RAB40C: variants seen among roughly 807,000 people sequenced by gnomAD.
The protein encoded by RAB40C is ras-related protein Rab-40C.
A neutral mutation model predicts 28.1 loss-of-function variants in RAB40C; 8 were observed. The ratio of observed to expected loss-of-function variants is 0.28; its 90% CI spans 0.17 to 0.51. RAB40C has a LOEUF of 0.51. Ranked by LOEUF, RAB40C falls within the 20% of genes least tolerant of loss-of-function variation. The probability of loss-of-function intolerance (pLI) is 0.97; values close to 1 mark genes in which losing one functional copy is unlikely to be tolerated. For missense variants in RAB40C, 288 were observed against 405.9 expected (o/e 0.71, Z 2.50); for synonymous variants, 201 against 171.7 (o/e 1.17, Z -1.34).
At chr16:601,777 T>C (rs1248900201) in intron 1 of RAB40C, among the ~76,000 whole-genome samples, 1 of 122,140 alleles carries the variant, frequency 8.2e-6, no homozygotes, top group Non-Finnish European at 1.6e-5. Flanking sequence ...GGGTTCAGAC[T>C]AGGCAACGTA....
intron 3 of RAB40C, among the ~76,000 whole-genome samples, chr16:620,535 G>A (rs1409936198): frequency 6.6e-6 from 1 of 152,204 alleles, no homozygotes; most frequent in East Asian, 1.9e-4. Flanking sequence ...AGTTATGTTG[G>A]ATGACAATAA....
Position 625,514 on chromosome 16 carries a change from G to A in RAB40C, c.342+5G>A. 6.2e-7 allele frequency: 1 copy of A among 1,613,078 alleles called. No homozygotes were observed. Among genetic ancestry groups the A allele is most frequent in the Non-Finnish European group, 8.5e-7 (1 of 1,179,844 alleles). On this transcript the variant is annotated splice_donor_5th_base_variant and intron_variant, in intron 4 of 5. Transcript: ENST00000248139. ...TGGATCAAGGAGATCGATGAGGTAG[G>A]CCTGGGTCCGGGGAGCCCTCCCGGG...
At chr16:607,262 C>T (rs542985926) in intron 1 of RAB40C, among the ~76,000 whole-genome samples, 6 of 152,092 alleles carry the variant, frequency 3.9e-5, no homozygotes, top group East Asian at 3.9e-4. Flanking sequence ...TTTGGGAGGC[C>T]GAGGTGGGTG....
At chr16:617,161 C>G in intron 1 of RAB40C, 47 bp from the exon 2 acceptor site, 1 of 1,601,770 alleles carries the variant, frequency 6.2e-7, no homozygotes. Flanking sequence ...CGCGGGCGCT[C>G]GCTCCAGGAG....
At chr16:598,268 C>T (rs2036174713) in intron 1 of RAB40C, among the ~76,000 whole-genome samples, 1 of 151,722 alleles carries the variant, frequency 6.6e-6, no homozygotes. Context: ...GTCCCAGCTA[C>T]TTGGGAGGCT....
chr16:615,336 A>G (rs896517986), intron 1 of RAB40C, among the ~76,000 whole-genome samples: 1 of 152,242 alleles, frequency 6.6e-6, no homozygotes, highest in Non-Finnish European at 1.5e-5. Flanking sequence ...GCTGGCTTGC[A>G]GGGCTGGGCC....
At chr16:604,786 G>T (rs2036326159) in intron 1 of RAB40C, among the ~76,000 whole-genome samples, 1 of 152,224 alleles carries the variant, frequency 6.6e-6, no homozygotes, top group Non-Finnish European at 1.5e-5. Flanking sequence ...GGGGCTGGGT[G>T]TGGTGGCTCA....
chr16:597,335 G>A (rs142777614), intron 1 of RAB40C, among the ~76,000 whole-genome samples: 15 of 152,148 alleles, frequency 9.9e-5, no homozygotes, highest in Admixed American at 3.9e-4. Flanking sequence ...AGCAGCCTTC[G>A]CCGTCTTTAC....
intron 1 of RAB40C, among the ~76,000 whole-genome samples, chr16:613,549 G>T (rs1484243523): frequency 1.3e-5 from 2 of 152,268 alleles, no homozygotes. Context: ...CTGGATCGTG[G>T]TGCGGTGGTG....
rs1567196130 is a variant in RAB40C at position 627,570 on chromosome 16, C to T, written c.794C>T (p.Pro265Leu). 6.2e-7 allele frequency: 1 copy of T among 1,611,210 alleles called. No individual in the cohort carries two copies. Among genetic ancestry groups the T allele is most frequent in the Non-Finnish European group, 8.5e-7 (1 of 1,178,432 alleles). The change falls in exon 6 of 6, where the codon CCA becomes CTA. Residue 265 changes from proline to leucine, a missense_variant. Around this residue, in one of 3 missense-constraint regions of RAB40C, gnomAD observed 57 missense variants for 55.3 expected, o/e 1.03. Transcript: ENST00000248139. ...NSLKRSKSIR[P>L]PQSPPQNCSR... is the part of the protein sequence containing the mutation. ...CTCAAGAGGTCCAAGTCCATCCGTCCACCCCAGAGCCCCCCCCAGAACTGC... is the reference window on the plus strand; with the variant it reads ...CTCAAGAGGTCCAAGTCCATCCGTCTACCCCAGAGCCCCCCCCAGAACTGC...
intron 1 of RAB40C, among the ~76,000 whole-genome samples, chr16:614,978 A>C (rs1477625320): frequency 6.6e-6 from 1 of 152,256 alleles, no homozygotes; most frequent in Non-Finnish European, 1.5e-5. Flanking sequence ...CAGCTCCTGC[A>C]GTCATGGGCT....
At chr16:613,707 T>C (rs2036529463) in intron 1 of RAB40C, among the ~76,000 whole-genome samples, 1 of 152,134 alleles carries the variant, frequency 6.6e-6, no homozygotes, top group Non-Finnish European at 1.5e-5. Flanking sequence ...CCCCAGAGGA[T>C]AGTTTGTCTT....
intron 1 of RAB40C, among the ~76,000 whole-genome samples, chr16:595,578 TG>T (rs1266162545): frequency 1.3e-5 from 2 of 151,900 alleles, no homozygotes; most frequent in Non-Finnish European, 2.9e-5. Context: ...GTAGGACTTC[TG>T]TGGGTCATTA....
At chr16:620,010 G>C (rs2036679011) in intron 3 of RAB40C, among the ~76,000 whole-genome samples, 1 of 152,240 alleles carries the variant, frequency 6.6e-6, no homozygotes, top group Non-Finnish European at 1.5e-5. Context: ...ATCCCTGTGA[G>C]AACTGGAGCA....
At position 626,892 on chromosome 16, in the gene RAB40C, C is replaced by G. The variant is rs753589868; in HGVS notation, c.566-450C>G. 1.5e-4 allele frequency among the ~76,000 whole-genome samples: 23 copies of G among 152,332 alleles called. 1 individual carries two copies. The highest frequency in any genetic ancestry group is 3.4e-3 in the Middle Eastern group (1 of 294). On this transcript the variant is annotated intron_variant, in intron 5 of 5. Coordinates refer to ENST00000248139, the MANE Select transcript of RAB40C (RefSeq NM_021168.5). ...GGCGGAGGTTGCAGTGAGCGGAGAT[C>G]GTGCCACGGCACTCCAGCCTGGCGA...
chr16:624,541 T>C lies in RAB40C; in HGVS notation c.265-891T>C, dbSNP rs948215106. ...GGGCTACACTTCAGTCTTCCAGATATCGAAAGATGGTTCTAAGAGGCTCTA... is the reference window on the plus strand; with the variant it reads ...GGGCTACACTTCAGTCTTCCAGATACCGAAAGATGGTTCTAAGAGGCTCTA... On this transcript the variant is annotated intron_variant, in intron 3 of 5. Transcript: ENST00000248139. 6.1e-6 allele frequency: 6 copies of C among 985,306 alleles called. No individual in the cohort carries two copies. In the African/African-American group the frequency reaches 8.7e-5, roughly 14 times the overall value. The allele number at this position is 985,306 out of a possible 1,614,324, so 61.0% of individuals were successfully genotyped here.
chr16:616,974 G>A (rs542598543), intron 1 of RAB40C: 23 of 549,390 alleles, frequency 4.2e-5, no homozygotes, highest in South Asian at 2.8e-4. Flanking sequence ...TATGGACCAC[G>A]CTCCTGCCCT....
In RAB40C at chr16:627,425, A is replaced by G. The variant is rs780469810; in HGVS notation, c.649A>G (p.Thr217Ala). 6.2e-7 allele frequency: 1 copy of G among 1,613,858 alleles called. No individual in the cohort carries two copies. Among genetic ancestry groups the G allele is most frequent in the South Asian group, 1.1e-5 (1 of 91,060 alleles). Residue 217 changes from threonine (T) to alanine (A), a missense_variant, in exon 6 of 6, where the codon ACC (threonine) becomes GCC (alanine). By Grantham distance (58) the Thr-to-Ala change is moderately conservative (BLOSUM62 0). Transcript: ENST00000248139. ...HLIDKLPLPV[T>A]IKSHLKSFSM... ...CATCGACAAGCTTCCACTGCCCGTC[A>G]CCATCAAGAGCCACCTCAAGTCCTT...
rs570171016 is a variant in RAB40C at position 608,284 on chromosome 16, A to AG, written c.143-8918dup. ...ACTCACTCACCCGCACAAAAACAGC[A>AG]GGGGGGAACCACCCCCATGATTTAA... On this transcript the variant is annotated intron_variant, in intron 1 of 5. Transcript: ENST00000248139. Among the ~76,000 whole-genome samples, 362 of 152,276 alleles carry AG rather than the reference A, an allele frequency of 2.4e-3. 3 individuals carry two copies. The highest frequency in any genetic ancestry group is 8.2e-3 in the African/African-American group (339 of 41,554).
Sources: gnomAD v4.1 joint callset for allele counts (sites outside exome capture counted in the v4.1 genomes callset) on GRCh38, gnomAD v4.1.1 for gene constraint, gnomAD v4.1.1 regional missense constraint, MANE v1.5 for transcripts, NCBI Gene and HGNC (gene_info 2026-07-23, HGNC 2026-07-21) for gene names.